The following EYA4 variants were observed in gnomAD, a reference collection of about 807,000 sequenced individuals.
The protein encoded by EYA4 is EYA transcriptional coactivator and phosphatase 4, also known as protein phosphatase EYA4.
Under a neutral mutation model 87.9 loss-of-function variants are expected in EYA4, and 31 were observed. The observed-to-expected ratio is 0.35, with a 90% CI of 0.27 to 0.48. The LOEUF (loss-of-function observed/expected upper bound fraction) is 0.48, where lower values mean the gene tolerates loss of function less well. Among genes scored for constraint, EYA4 ranks in the 20% least tolerant of loss-of-function variants. The probability of loss-of-function intolerance (pLI) is 0.99; values close to 1 mark genes in which losing one functional copy is unlikely to be tolerated. For missense variants in EYA4, 678 were observed against 761.4 expected (o/e 0.89, Z 1.29); for synonymous variants, 263 against 270.6 (o/e 0.97, Z 0.28).
intron 2 of EYA4, among the ~76,000 whole-genome samples, chr6:133,330,972 A>G (rs1781895938): frequency 6.6e-6 from 1 of 151,106 alleles, no homozygotes; most frequent in Non-Finnish European, 1.5e-5. Flanking sequence ...ATGTAAATAA[A>G]CAAATTCTGG....
At chr6:133,447,404 A>G (rs1792959843) in intron 4 of EYA4, among the ~76,000 whole-genome samples, 1 of 152,184 alleles carries the variant, frequency 6.6e-6, no homozygotes, top group South Asian at 2.1e-4. Context: ...TCAACTTGTC[A>G]GAAAATATGG....
intron 4 of EYA4, among the ~76,000 whole-genome samples, chr6:133,447,674 T>C (rs2128625050): frequency 6.6e-6 from 1 of 152,300 alleles, no homozygotes; most frequent in African/African-American, 2.4e-5. Flanking sequence ...CTCTGTAAGG[T>C]TGTGTGCATT....
At chr6:133,329,649 G>A (rs1582974805) in intron 2 of EYA4, among the ~76,000 whole-genome samples, 1 of 152,148 alleles carries the variant, frequency 6.6e-6, no homozygotes, top group African/African-American at 2.4e-5. Flanking sequence ...ATGTCTTCTA[G>A]TAAAACTGTT....
intron 5 of EYA4, among the ~76,000 whole-genome samples, chr6:133,451,240 TCTC>T (rs1793413020): frequency 1.3e-5 from 2 of 152,184 alleles, no homozygotes; most frequent in Admixed American, 1.3e-4. Flanking sequence ...CACAAAATAT[TCTC>T]CTTTTGATAT....
intron 2 of EYA4, among the ~76,000 whole-genome samples, chr6:133,312,207 A>G (rs1780274923): frequency 6.6e-6 from 1 of 152,094 alleles, no homozygotes; most frequent in Admixed American, 6.5e-5. Flanking sequence ...AGGCAGGAGC[A>G]TTGGCGGTTA....
intron 13 of EYA4, among the ~76,000 whole-genome samples, chr6:133,501,156 C>A (rs1798083635): frequency 6.6e-6 from 1 of 152,086 alleles, no homozygotes. Flanking sequence ...GCCATTACCT[C>A]CTGAAAGGGG....
chr6:133,327,320 C>T (rs73557788), intron 2 of EYA4, among the ~76,000 whole-genome samples: 2,173 of 151,836 alleles, frequency 0.014, 56 homozygotes, highest in African/African-American at 0.049. Flanking sequence ...TGAGTAGAGA[C>T]GGGGTTTCAG....
intron 17 of EYA4, among the ~76,000 whole-genome samples, chr6:133,517,609 T>A (rs893318849): frequency 2.0e-5 from 3 of 151,858 alleles, no homozygotes; most frequent in African/African-American, 7.3e-5. Context: ...TTCTGACTCG[T>A]GGCACAGGCA....
At chr6:133,307,859 C>T (rs1779925242) in intron 2 of EYA4, among the ~76,000 whole-genome samples, 1 of 152,038 alleles carries the variant, frequency 6.6e-6, no homozygotes, top group Non-Finnish European at 1.5e-5. Context: ...GTGTCATGAC[C>T]CAAATCTTAT....
intron 2 of EYA4, among the ~76,000 whole-genome samples, chr6:133,288,287 T>C (rs1778229788): frequency 6.6e-6 from 1 of 152,196 alleles, no homozygotes; most frequent in African/African-American, 2.4e-5. Flanking sequence ...TGACAACCCC[T>C]GGCCTAAACT....
At chr6:133,309,308 A>G (rs1208329229) in intron 2 of EYA4, among the ~76,000 whole-genome samples, 2 of 152,152 alleles carry the variant, frequency 1.3e-5, no homozygotes, top group Non-Finnish European at 2.9e-5. Flanking sequence ...ACTTGTTTTC[A>G]GGGAACAAAT....
chr6:133,275,151 A>G (rs1354966111), intron 2 of EYA4, among the ~76,000 whole-genome samples: 1 of 152,198 alleles, frequency 6.6e-6, no homozygotes, highest in Non-Finnish European at 1.5e-5. Context: ...ATATTGTTGA[A>G]TATCAGAAGT....
At chr6:133,381,731 A>G (rs775074997) in intron 2 of EYA4, among the ~76,000 whole-genome samples, 4 of 152,168 alleles carry the variant, frequency 2.6e-5, no homozygotes, top group Admixed American at 6.6e-5. Context: ...GTGAAAATCT[A>G]TGGATTTCAC....
chr6:133,456,437 C>A, intron 5 of EYA4, 119 bp from the exon 6 acceptor site: 1 of 782,320 alleles, frequency 1.3e-6, no homozygotes, highest in Non-Finnish European at 2.3e-6. Flanking sequence ...CTCTCTTCAT[C>A]AACTTCTCAG....
chr6:133,285,301 ATGT>A (rs932615637), intron 2 of EYA4, among the ~76,000 whole-genome samples: 3 of 152,086 alleles, frequency 2.0e-5, no homozygotes, highest in African/African-American at 4.8e-5. Context: ...CACTGAGAAG[ATGT>A]TGTGCAAAGA....
At chr6:133,402,322 G>A (rs932580255) in intron 3 of EYA4, among the ~76,000 whole-genome samples, 4 of 152,064 alleles carry the variant, frequency 2.6e-5, no homozygotes, top group East Asian at 1.9e-4. Flanking sequence ...AACCACTTTG[G>A]TACATCTGTT....
At chr6:133,276,242 A>T (rs1381640513) in intron 2 of EYA4, among the ~76,000 whole-genome samples, 2 of 152,130 alleles carry the variant, frequency 1.3e-5, no homozygotes, top group Non-Finnish European at 2.9e-5. Context: ...AAATGTTTGT[A>T]TGTATGTGTG....
At chr6:133,303,245 C>A (rs1779549505) in intron 2 of EYA4, among the ~76,000 whole-genome samples, 1 of 152,116 alleles carries the variant, frequency 6.6e-6, no homozygotes, top group African/African-American at 2.4e-5. Context: ...TGCTTTTCCC[C>A]TTAGTGACAT....
chr6:133,266,560 G>A (rs575455321), intron 1 of EYA4, among the ~76,000 whole-genome samples: 4 of 152,174 alleles, frequency 2.6e-5, no homozygotes, highest in African/African-American at 9.6e-5. Context: ...AGTTCTAATT[G>A]GTATAAATAA....
Sources: gnomAD v4.1 joint callset for allele counts (sites outside exome capture counted in the v4.1 genomes callset) on GRCh38, gnomAD v4.1.1 for gene constraint, MANE v1.5 for transcripts, NCBI Gene and HGNC (gene_info 2026-07-23, HGNC 2026-07-21) for gene names.